NELL1: variants seen among roughly 807,000 people sequenced by gnomAD.
NELL1 encodes neural EGFL like 1, also known as protein kinase C-binding protein NELL1.
Under a neutral mutation model 107.4 loss-of-function variants are expected in NELL1, and 76 were observed. The observed-to-expected ratio is 0.71, with a 90% CI of 0.59 to 0.86. The LOEUF is 0.86. NELL1 is among the 40% of genes least tolerant of loss of function. The pLI, the probability that NELL1 is intolerant of heterozygous loss-of-function variation, is 0.00. For synonymous variants in NELL1, 353 were observed against 341.2 expected (o/e 1.03, Z -0.38); for missense variants, 1,024 against 1,005.5 (o/e 1.02, Z -0.25).
At chr11:20,755,896 T>A (rs71488759) in intron 2 of NELL1, among the ~76,000 whole-genome samples, 11 of 125,972 alleles carry the variant, frequency 8.7e-5, no homozygotes, top group Admixed American at 3.1e-4. Flanking sequence ...TTTTTTTTTT[T>A]TTTTTTTTTT....
intron 16 of NELL1, among the ~76,000 whole-genome samples, chr11:21,556,167 A>G (rs938156547): frequency 6.6e-6 from 1 of 151,922 alleles, no homozygotes; most frequent in African/African-American, 2.4e-5. Flanking sequence ...GTCATTAATG[A>G]ACCCCCAAGC....
At chr11:21,450,703 G>T (rs994461277) in intron 15 of NELL1, among the ~76,000 whole-genome samples, 1 of 152,094 alleles carries the variant, frequency 6.6e-6, no homozygotes, top group Non-Finnish European at 1.5e-5. Flanking sequence ...GCCGAATCTG[G>T]ACAGACAGGA....
chr11:20,688,863 G>A lies in NELL1; in HGVS notation c.184+10803G>A, dbSNP rs185112457. Reference sequence around the variant, plus strand: ...ACTCATTCACATTCCCACCAACAGTGTATAAGTGTTTCCTTTTCTCTGCAG... The same window carrying A: ...ACTCATTCACATTCCCACCAACAGTATATAAGTGTTTCCTTTTCTCTGCAG... On this transcript the variant is annotated intron_variant, in intron 2 of 19. Coordinates refer to ENST00000357134, the MANE Select transcript of NELL1 (RefSeq NM_006157.5). 3.3e-5 allele frequency among the ~76,000 whole-genome samples: 5 copies of A among 152,246 alleles called. No individual in the cohort carries two copies. The East Asian group carries it at 9.7e-4, about 29-fold the overall frequency.
At position 21,306,892 on chromosome 11, in the gene NELL1, A is replaced by G. The variant is rs558943378; in HGVS notation, c.1550-63961A>G. 6.8e-4 allele frequency among the ~76,000 whole-genome samples: 104 copies of G among 152,200 alleles called. 1 individual carries two copies. The South Asian group carries it at 0.016, about 23-fold the overall frequency. ...AGAATGTAATAACATTTAAGATGCA[A>G]TAGGAGCTAAGGTCAGCAGGCATAA... On this transcript the variant is annotated intron_variant, in intron 14 of 19. Coordinates refer to ENST00000357134, the MANE Select transcript of NELL1 (RefSeq NM_006157.5).
chr11:21,014,968 A>G (rs1411498555), intron 12 of NELL1, among the ~76,000 whole-genome samples: 1 of 151,936 alleles, frequency 6.6e-6, no homozygotes, highest in African/African-American at 2.4e-5. Context: ...TTTATCAGAT[A>G]TTTTCTTTTT....
At chr11:21,510,854 A>G (rs922502858) in intron 15 of NELL1, among the ~76,000 whole-genome samples, 1 of 152,220 alleles carries the variant, frequency 6.6e-6, no homozygotes, top group South Asian at 2.1e-4. Flanking sequence ...GCTATTCTTT[A>G]TCTCTCCTTT....
intron 12 of NELL1, among the ~76,000 whole-genome samples, chr11:20,992,709 AT>A (rs56048576): frequency 0.027 from 3,078 of 114,430 alleles, 53 homozygotes; most frequent in African/African-American, 0.079. Flanking sequence ...CAAAAGTGGC[AT>A]TTTTTTTTTT....
At chr11:20,970,051 C>CCG (rs1851464358) in intron 12 of NELL1, among the ~76,000 whole-genome samples, 2 of 136,758 alleles carry the variant, frequency 1.5e-5, no homozygotes, top group East Asian at 2.1e-4. Context: ...ATCTATCTCT[C>CCG]TGTCCATCCA....
intron 12 of NELL1, among the ~76,000 whole-genome samples, chr11:21,050,614 A>G (rs1467829053): frequency 6.6e-6 from 1 of 152,210 alleles, no homozygotes; most frequent in African/African-American, 2.4e-5. Flanking sequence ...GTTCAGGGTC[A>G]GTAAGAACTA....
chr11:21,263,605 A>G (rs916418566), intron 14 of NELL1, among the ~76,000 whole-genome samples: 3 of 151,900 alleles, frequency 2.0e-5, no homozygotes, highest in Admixed American at 1.3e-4. Flanking sequence ...GCTGGTGGAG[A>G]GGCAGTCATC....
chr11:21,113,500 A>G (rs1855154037), intron 12 of NELL1, 89 bp from the exon 13 acceptor site: 2 of 1,347,876 alleles, frequency 1.5e-6, no homozygotes, highest in Non-Finnish European at 2.1e-6. Flanking sequence ...TTCTATGGAC[A>G]TTTATCTTTT....
intron 12 of NELL1, among the ~76,000 whole-genome samples, chr11:21,086,854 C>T (rs1334291543): frequency 6.8e-4 from 76 of 112,022 alleles, no homozygotes; most frequent in African/African-American, 2.6e-3. Flanking sequence ...TTTTTTGAGA[C>T]GGAGTCTCAC....
At chr11:21,112,347 A>G (rs1330926584) in intron 12 of NELL1, among the ~76,000 whole-genome samples, 1 of 152,108 alleles carries the variant, frequency 6.6e-6, no homozygotes, top group East Asian at 1.9e-4. Context: ...AAATAGATTA[A>G]TGAGTTTCCT....
At chr11:20,835,603 C>T (rs528171487) in intron 3 of NELL1, among the ~76,000 whole-genome samples, 324 of 152,244 alleles carry the variant, frequency 2.1e-3, no homozygotes, top group Non-Finnish European at 3.7e-3. Flanking sequence ...TACTCTGCTA[C>T]CATTTGTGTT....
chr11:21,520,295 C>T (rs1348077792), intron 15 of NELL1, among the ~76,000 whole-genome samples: 1 of 152,102 alleles, frequency 6.6e-6, no homozygotes, highest in Non-Finnish European at 1.5e-5. Context: ...TCAAGTAGTG[C>T]TGATTTTACC....
chr11:21,204,688 G>A (rs187116989), intron 13 of NELL1, among the ~76,000 whole-genome samples: 13 of 152,006 alleles, frequency 8.6e-5, no homozygotes, highest in African/African-American at 2.9e-4. Flanking sequence ...GAGAAGAAGA[G>A]GAGTTCTTTT....
At chr11:21,297,118 G>A (rs533690614) in intron 14 of NELL1, among the ~76,000 whole-genome samples, 1 of 151,740 alleles carries the variant, frequency 6.6e-6, no homozygotes, top group African/African-American at 2.4e-5. Context: ...TGTGGGAAAA[G>A]GGATCAAAGG....
intron 2 of NELL1, among the ~76,000 whole-genome samples, chr11:20,693,675 C>T (rs1289959574): frequency 1.3e-5 from 2 of 152,030 alleles, no homozygotes; most frequent in Admixed American, 1.3e-4. Flanking sequence ...TGATGGGCTT[C>T]CCTTTGAGGG....
At position 21,043,064 on chromosome 11, in the gene NELL1, A is replaced by G. The variant is rs572318811; in HGVS notation, c.1301-70525A>G. Among the ~76,000 whole-genome samples, 4 of 152,294 alleles carry G rather than the reference A, an allele frequency of 2.6e-5. No homozygotes were observed. In the East Asian group the frequency reaches 7.7e-4, roughly 29 times the overall value. The stretch of plus-strand genomic sequence containing the variant: ...GCTATTAATAACTCATAGTGGTGGA[A>G]AAGGGGGCATGGCTATGAAAAAATA... On this transcript the variant is annotated intron_variant, in intron 12 of 19. Transcript: ENST00000357134.
Sources: gnomAD v4.1 joint callset for allele counts (sites outside exome capture counted in the v4.1 genomes callset) on GRCh38, gnomAD v4.1.1 for gene constraint, MANE v1.5 for transcripts, NCBI Gene and HGNC (gene_info 2026-07-23, HGNC 2026-07-21) for gene names.